Variants in KCNQ1 observed in about 807,000 individuals in gnomAD.
The protein encoded by KCNQ1 is potassium voltage-gated channel subfamily KQT member 1.
A neutral mutation model predicts 72.4 loss-of-function variants in KCNQ1; 49 were observed. That is an observed-to-expected ratio of 0.68 (90% CI 0.54 to 0.86). KCNQ1 has a LOEUF of 0.86. Among genes scored for constraint, KCNQ1 ranks in the 40% least tolerant of loss-of-function variants. The pLI, the probability that KCNQ1 is intolerant of heterozygous loss-of-function variation, is 0.00. For missense variants in KCNQ1, 790 were observed against 945.1 expected, an observed-to-expected ratio of 0.84 and a Z score of 2.15; for synonymous variants, 450 against 412.6, an observed-to-expected ratio of 1.09 and a Z score of -1.10.
rs996906715 is a variant in KCNQ1, at chr11:2,698,190, C to T, written c.1514+36109C>T. 18 of 398,440 alleles carry T rather than the reference C, an allele frequency of 4.5e-5. No individual in the cohort carries two copies. In the East Asian group the frequency reaches 6.1e-4, roughly 13 times the overall value. 24.7% of individuals were successfully genotyped at this position (398,440 alleles called of 1,614,324 possible). A position where few individuals can be genotyped will look rare whatever the true frequency, so the allele number is the denominator to read the frequency against. On this transcript the variant is annotated intron_variant, in intron 11 of 15. Transcript: ENST00000155840. This position sits in a 1 kb window ranked among gnomAD's most constrained non-coding sequence, Gnocchi z 5.1. Reference sequence around the variant, plus strand: ...GCTTTTGGTCTAGCAAAAGGGGCACCACAGTAAAGAAAGAACTGGTAAATG... The same window carrying T: ...GCTTTTGGTCTAGCAAAAGGGGCACTACAGTAAAGAAAGAACTGGTAAATG...
intron 15 of KCNQ1, among the ~76,000 whole-genome samples, chr11:2,820,692 T>G (rs1280702763): frequency 6.6e-6 from 1 of 152,214 alleles, no homozygotes; most frequent in Non-Finnish European, 1.5e-5. Flanking sequence ...TCATTTGTTT[T>G]TCCTGCCCCA....
chr11:2,697,966 G>A, intron 11 of KCNQ1: 1 of 398,586 alleles, frequency 2.5e-6, no homozygotes. Flanking sequence ...CCATAATCAA[G>A]CAACTCAATC....
chr11:2,699,652 C>CGAAGAACCCCCGGGGACAACCGCGCT (rs1850751876), intron 11 of KCNQ1: 1 of 357,294 alleles, frequency 2.8e-6, no homozygotes, highest in Admixed American at 4.7e-5. Flanking sequence ...ACAACCGCGC[C>CGAAGAACCCCCGGGGACAACCGCGCT]GAAGAACCCC....
intron 1 of KCNQ1, among the ~76,000 whole-genome samples, chr11:2,485,276 G>A (rs1241516002): frequency 6.6e-6 from 1 of 152,002 alleles, no homozygotes; most frequent in Non-Finnish European, 1.5e-5. Flanking sequence ...TAAAGCTGCT[G>A]TGACTCCTGG....
intron 10 of KCNQ1, chr11:2,631,375 T>C: frequency 5.0e-6 from 2 of 398,562 alleles, no homozygotes; most frequent in Non-Finnish European, 8.8e-6. Flanking sequence ...GCTGATGCTT[T>C]CTATTTCACT....
intron 15 of KCNQ1, among the ~76,000 whole-genome samples, chr11:2,792,468 C>G (rs1404837499): frequency 6.6e-6 from 1 of 152,182 alleles, no homozygotes; most frequent in Non-Finnish European, 1.5e-5. Context: ...GGGACGGGGC[C>G]GTGACCCCTC....
Position 2,698,763 on chromosome 11 carries a change from A to T in KCNQ1, c.1514+36682A>T, listed in dbSNP as rs1267496211. 5.0e-6 allele frequency: 2 copies of T among 398,806 alleles called. No individual in the cohort carries two copies. Among genetic ancestry groups the T allele is most frequent in the Non-Finnish European group, 8.8e-6 (2 of 226,152 alleles). The allele number at this position is 398,806 out of a possible 1,614,324, so 24.7% of individuals were successfully genotyped here. A position where few individuals can be genotyped will look rare whatever the true frequency, so the allele number is the denominator to read the frequency against. On this transcript the variant is annotated intron_variant, in intron 11 of 15. Transcript: ENST00000155840. This position sits in a 1 kb window ranked among gnomAD's most constrained non-coding sequence, Gnocchi z 5.1. Reference sequence around the variant, plus strand: ...GGATCTCAACTCAGAGCCATGATGCAGACTCCAGACCGGGATTCAGGTCCC... The same window carrying T: ...GGATCTCAACTCAGAGCCATGATGCTGACTCCAGACCGGGATTCAGGTCCC...
At chr11:2,771,167 C>T (rs748912832) in intron 12 of KCNQ1, among the ~76,000 whole-genome samples, 7 of 152,218 alleles carry the variant, frequency 4.6e-5, no homozygotes, top group Non-Finnish European at 1.0e-4. Context: ...GGGCTGCTTC[C>T]AAGGTCTGGG....
chr11:2,769,050 G>A lies in KCNQ1; in HGVS notation c.1590+131G>A. On this transcript the variant is annotated intron_variant, in intron 12 of 15. Coordinates refer to ENST00000155840, the MANE Select transcript of KCNQ1 (RefSeq NM_000218.3). The surrounding 1 kb of genome is among the most constrained non-coding windows in gnomAD (Gnocchi z 4.6). The stretch of plus-strand genomic sequence containing the variant: ...AGGCCTCCGCCCCCAAGCCACACAG[G>A]CAGGCCTATCTGAGACCTGACAGTG... 2 of 803,174 alleles carry A rather than the reference G, an allele frequency of 2.5e-6. No homozygotes were observed. The highest frequency in any genetic ancestry group is 3.4e-4 in the Middle Eastern group (1 of 2,934). 49.8% of individuals were successfully genotyped at this position (803,174 alleles called of 1,614,324 possible).
chr11:2,480,638 A>G (rs913401019), intron 1 of KCNQ1, among the ~76,000 whole-genome samples: 1 of 152,198 alleles, frequency 6.6e-6, no homozygotes, highest in African/African-American at 2.4e-5. Flanking sequence ...CAGCCAAACC[A>G]TATCAGAGTT....
Position 2,645,781 on chromosome 11 carries a change from G to C in KCNQ1, c.1394-16180G>C. The stretch of plus-strand genomic sequence containing the variant: ...ATAGAGGGATGTGGGGCCCACAGCA[G>C]ATGCAGTCTGGTGGGGGTTGGGCTA... On this transcript the variant is annotated intron_variant, in intron 10 of 15. Coordinates refer to ENST00000155840, the MANE Select transcript of KCNQ1 (RefSeq NM_000218.3). This position sits in a 1 kb window ranked among gnomAD's most constrained non-coding sequence, Gnocchi z 5.8. The C allele has an allele frequency of 2.5e-6, 1 of 398,762 alleles. No homozygotes were observed. The highest frequency in any genetic ancestry group is 4.4e-6 in the Non-Finnish European group (1 of 226,182). 24.7% of individuals were successfully genotyped at this position (398,762 alleles called of 1,614,324 possible).
intron 1 of KCNQ1, among the ~76,000 whole-genome samples, chr11:2,470,991 T>C (rs1160274549): frequency 6.6e-6 from 1 of 152,128 alleles, no homozygotes; most frequent in Non-Finnish European, 1.5e-5. Flanking sequence ...GATATTCCTT[T>C]TGAGTTAATG....
At chr11:2,556,475 G>T (rs1421179112) in intron 2 of KCNQ1, among the ~76,000 whole-genome samples, 1 of 152,160 alleles carries the variant, frequency 6.6e-6, no homozygotes, top group Non-Finnish European at 1.5e-5. Context: ...TTAGCACACG[G>T]CCACGTGTGC....
At chr11:2,776,147 CTGAGA>C in intron 13 of KCNQ1, 93 bp downstream of exon 13, 1 of 1,071,200 alleles carries the variant, frequency 9.3e-7, no homozygotes, top group South Asian at 1.5e-5. Context: ...GAGGGAGGGG[CTGAGA>C]CCCTGAGTTC....
At chr11:2,505,407 G>A (rs1354694263) in intron 1 of KCNQ1, among the ~76,000 whole-genome samples, 1 of 152,056 alleles carries the variant, frequency 6.6e-6, no homozygotes, top group Admixed American at 6.6e-5. Context: ...TCTCTCCTGG[G>A]AACATTTCCA....
rs188107055 is a variant in KCNQ1, at chr11:2,703,584, G to A, written c.1514+41503G>A. ...ATTCCAAGGTATTTAGAGTGGGGGT[G>A]GGGGATTAGGGGAGGAAGTTGCTGA... On this transcript the variant is annotated intron_variant, in intron 11 of 15. Coordinates refer to ENST00000155840, the MANE Select transcript of KCNQ1 (RefSeq NM_000218.3). The surrounding 1 kb of genome is among the most constrained non-coding windows in gnomAD (Gnocchi z 6.4). 2.6e-5 allele frequency among the ~76,000 whole-genome samples: 4 copies of A among 152,302 alleles called. No homozygotes were observed. Among genetic ancestry groups the A allele is most frequent in the Admixed American group, 1.3e-4 (2 of 15,298 alleles).
At position 2,828,380 on chromosome 11, in the gene KCNQ1, A is replaced by G. The variant is rs191471568; in HGVS notation, c.1795-19387A>G. 2.6e-5 allele frequency among the ~76,000 whole-genome samples: 4 copies of G among 152,358 alleles called. No individual in the cohort carries two copies. The East Asian group carries it at 7.7e-4, about 29-fold the overall frequency. On this transcript the variant is annotated intron_variant, in intron 15 of 15. Coordinates refer to ENST00000155840, the MANE Select transcript of KCNQ1 (RefSeq NM_000218.3). This position sits in a 1 kb window ranked among gnomAD's most constrained non-coding sequence, Gnocchi z 5.3. ...TAAGGTGACAGTAAAGGCATGAAAA[A>G]CATGGAAACATGTAAATCAACTAGG... is the stretch of plus-strand genomic sequence containing the variant.
intron 15 of KCNQ1, among the ~76,000 whole-genome samples, chr11:2,845,121 G>A (rs1848296629): frequency 6.6e-6 from 1 of 152,174 alleles, no homozygotes; most frequent in South Asian, 2.1e-4. Context: ...GGACTGAGAG[G>A]GCTGGTCCTG....
chr11:2,499,987 G>GAA (rs1846984225), intron 1 of KCNQ1, among the ~76,000 whole-genome samples: 1 of 152,078 alleles, frequency 6.6e-6, no homozygotes, highest in Non-Finnish European at 1.5e-5. Flanking sequence ...GACCAGTACA[G>GAA]AATAAAACTA....
Sources: allele counts gnomAD v4.1 joint callset (sites outside exome capture counted in the v4.1 genomes callset), GRCh38; gene constraint gnomAD v4.1.1; non-coding constraint Gnocchi (gnomAD v3.1); transcripts MANE v1.5; gene names NCBI Gene and HGNC (gene_info 2026-07-23, HGNC 2026-07-21).